The following PIEZO2 variants were observed in gnomAD, a reference collection of about 807,000 sequenced individuals.
The protein encoded by PIEZO2 is piezo-type mechanosensitive ion channel component 2.
Under a neutral mutation model 337.3 loss-of-function variants are expected in PIEZO2, and 172 were observed. The observed-to-expected ratio is 0.51, with a 90% confidence interval of 0.45 to 0.58. The LOEUF (loss-of-function observed/expected upper bound fraction) is 0.58. Ranked by LOEUF, PIEZO2 falls within the 20% of genes least tolerant of loss-of-function variation. The pLI, the probability that PIEZO2 is intolerant of heterozygous loss-of-function variation, is 0.00. For synonymous variants in PIEZO2, 1,251 were observed against 1,228.5 expected (o/e 1.02, Z -0.38); for missense variants, 3,028 against 3,391.3 (o/e 0.89, Z 2.66).
rs2035886278 is a variant in PIEZO2 at position 10,713,194 on chromosome 18, A to G, written c.5423+1570T>C. Reference sequence around the variant, plus strand: ...GGATTTTTACTAAATATATGTATATATTTTACTGTGTATATATATCACAAA... The same window carrying G: ...GGATTTTTACTAAATATATGTATATGTTTTACTGTGTATATATATCACAAA... On this transcript the variant is annotated intron_variant, in intron 39 of 55. Transcript: ENST00000674853. The surrounding 1 kb of genome is among the most constrained non-coding windows in gnomAD (Gnocchi z 4.5). Among the ~76,000 whole-genome samples the G allele has an allele frequency of 6.6e-6, 1 of 152,128 alleles. No individual in the cohort carries two copies. Among genetic ancestry groups the G allele is most frequent in the South Asian group, 2.1e-4 (1 of 4,834 alleles).
chr18:10,851,419 C>G (rs2041548570), intron 7 of PIEZO2, among the ~76,000 whole-genome samples: 1 of 152,054 alleles, frequency 6.6e-6, no homozygotes, highest in Non-Finnish European at 1.5e-5. Context: ...ATGTCTTACT[C>G]TATGAGATTA....
chr18:10,842,605 T>A (rs751734246), intron 7 of PIEZO2, among the ~76,000 whole-genome samples: 15 of 152,214 alleles, frequency 9.9e-5, no homozygotes, highest in Non-Finnish European at 1.6e-4. Flanking sequence ...GAGCAGATGC[T>A]GGCGCCACAC....
rs1568132053 is a variant in PIEZO2, at chr18:10,854,371, A to T, written c.917+982T>A. On this transcript the variant is annotated intron_variant, in intron 7 of 55. Coordinates refer to ENST00000674853, the MANE Select transcript of PIEZO2 (RefSeq NM_001378183.1). The surrounding 1 kb of genome is among the most constrained non-coding windows in gnomAD (Gnocchi z 4.6). The stretch of plus-strand genomic sequence containing the variant: ...TCTTTGCAATTAGCAAGCACCAACA[A>T]GGTTCTACTTTGTCATTGTGCAACC... Among the ~76,000 whole-genome samples, 1 of 152,200 alleles carries T rather than the reference A, an allele frequency of 6.6e-6. No individual in the cohort carries two copies. The highest frequency in any genetic ancestry group is 1.5e-5 in the Non-Finnish European group (1 of 68,038).
chr18:10,774,680 T>C (rs1033719783), intron 18 of PIEZO2, among the ~76,000 whole-genome samples: 1 of 144,778 alleles, frequency 6.9e-6, no homozygotes, highest in Non-Finnish European at 1.5e-5. Flanking sequence ...TCTCCTACAG[T>C]TTTTTTTAAA....
chr18:10,938,973 GC>G (rs1477880934), intron 3 of PIEZO2, among the ~76,000 whole-genome samples: 1 of 152,118 alleles, frequency 6.6e-6, no homozygotes, highest in Non-Finnish European at 1.5e-5. Context: ...TGTAGTCCCA[GC>G]TACTCGGGAG....
At chr18:10,990,172 A>T (rs558742915) in intron 2 of PIEZO2, among the ~76,000 whole-genome samples, 1 of 152,334 alleles carries the variant, frequency 6.6e-6, no homozygotes, top group East Asian at 1.9e-4. Context: ...ATATTATGTT[A>T]AAATGGTAAG....
chr18:11,007,475 T>G (rs962465778), intron 2 of PIEZO2, among the ~76,000 whole-genome samples: 1 of 152,198 alleles, frequency 6.6e-6, no homozygotes, highest in South Asian at 2.1e-4. Flanking sequence ...CATATGCCTT[T>G]CACTCAGTCC....
intron 24 of PIEZO2, 120 bp downstream of exon 24, chr18:10,760,791 C>A: frequency 1.2e-6 from 1 of 841,520 alleles, no homozygotes; most frequent in Non-Finnish European, 1.8e-6. Flanking sequence ...CTGTTCTTCT[C>A]AAGGGGACAG....
At chr18:11,006,943 A>T (rs897376149) in intron 2 of PIEZO2, among the ~76,000 whole-genome samples, 9 of 152,276 alleles carry the variant, frequency 5.9e-5, no homozygotes, top group African/African-American at 1.9e-4. Context: ...TGATATTTTG[A>T]AGCCAGCATA....
rs1003125916 is a variant in PIEZO2 at position 11,096,190 on chromosome 18, C to T, written c.65-29968G>A. Among the ~76,000 whole-genome samples the T allele has an allele frequency of 1.3e-5, 2 of 152,224 alleles. No individual in the cohort carries two copies. ...CCGCCAGCCTGGCTGTGGGGTGTGG[C>T]CACCTAGAGCCCTGGGGTGAAGAAG... On this transcript the variant is annotated intron_variant, in intron 1 of 55. Coordinates refer to ENST00000674853, the MANE Select transcript of PIEZO2 (RefSeq NM_001378183.1). The surrounding 1 kb of genome is among the most constrained non-coding windows in gnomAD (Gnocchi z 4.6).
chr18:11,018,081 G>C (rs1186407237), intron 2 of PIEZO2, among the ~76,000 whole-genome samples: 3 of 152,100 alleles, frequency 2.0e-5, no homozygotes, highest in Non-Finnish European at 1.5e-5. Flanking sequence ...CCCCGAGAAG[G>C]CTTTAGTGTA....
At chr18:11,029,316 T>C (rs529329162) in intron 2 of PIEZO2, among the ~76,000 whole-genome samples, 1 of 152,298 alleles carries the variant, frequency 6.6e-6, no homozygotes, top group East Asian at 1.9e-4. Flanking sequence ...AATAAAAGAC[T>C]TTTCCTTAAT....
At chr18:10,864,936 G>A (rs1035231635) in intron 5 of PIEZO2, among the ~76,000 whole-genome samples, 12 of 152,146 alleles carry the variant, frequency 7.9e-5, no homozygotes, top group African/African-American at 2.9e-4. Flanking sequence ...GTGCAAGAGT[G>A]AACTACATAG....
At chr18:10,722,466 G>A (rs143315020) in intron 36 of PIEZO2, among the ~76,000 whole-genome samples, 94 of 150,852 alleles carry the variant, frequency 6.2e-4, no homozygotes, top group African/African-American at 1.8e-3. Flanking sequence ...TCCTGATCTC[G>A]TAATCTGCCC....
intron 7 of PIEZO2, among the ~76,000 whole-genome samples, chr18:10,822,589 C>T (rs893789053): frequency 6.6e-6 from 1 of 152,182 alleles, no homozygotes; most frequent in African/African-American, 2.4e-5. Flanking sequence ...GGAACCAGGC[C>T]AGTGTCTGCT....
At chr18:10,965,134 T>G (rs932717607) in intron 3 of PIEZO2, among the ~76,000 whole-genome samples, 1 of 152,172 alleles carries the variant, frequency 6.6e-6, no homozygotes, top group Non-Finnish European at 1.5e-5. Context: ...TTGTGTGTGT[T>G]TTCAATTCTT....
chr18:10,874,089 C>T (rs951969638), intron 4 of PIEZO2, among the ~76,000 whole-genome samples: 10 of 151,862 alleles, frequency 6.6e-5, no homozygotes, highest in African/African-American at 1.5e-4. Flanking sequence ...AATTAATAAT[C>T]GGAATATATA....
Position 10,750,813 on chromosome 18 carries a change from T to C in PIEZO2, c.4168-626A>G, listed in dbSNP as rs1007649671. Among the ~76,000 whole-genome samples, 3 of 152,186 alleles carry C rather than the reference T, an allele frequency of 2.0e-5. No homozygotes were observed. Among genetic ancestry groups the C allele is most frequent in the African/African-American group, 7.2e-5 (3 of 41,442 alleles). Reference sequence around the variant, plus strand: ...CAAATACATAAATGTGACAGATACATTGTGTGCATTTCCTGGGAACATGTG... The same window carrying C: ...CAAATACATAAATGTGACAGATACACTGTGTGCATTTCCTGGGAACATGTG... On this transcript the variant is annotated intron_variant, in intron 28 of 55. Transcript: ENST00000674853. The surrounding 1 kb of genome is among the most constrained non-coding windows in gnomAD (Gnocchi z 4.1).
In PIEZO2 at chr18:10,759,745, C is replaced by T. The variant is rs2038043981; in HGVS notation, c.3615G>A (p.Gln1205=). The change falls in exon 25 of 56, where the codon CAG becomes CAA. Residue 1205 remains glutamine, a synonymous_variant. Coordinates refer to ENST00000674853, the MANE Select transcript of PIEZO2 (RefSeq NM_001378183.1). The surrounding 1 kb of genome is among the most constrained non-coding windows in gnomAD (Gnocchi z 5.5). ...GTGGGATGCCAATGCAGATGAAATA[C>T]TGGAAGGTGATGATGCATGCCAGGA... is the stretch of plus-strand genomic sequence containing the variant. ...CCFLACIITF[Q]YFICIGIPPA... 1 of 1,537,334 alleles carries T rather than the reference C, an allele frequency of 6.5e-7. No homozygotes were observed. Among genetic ancestry groups the T allele is most frequent in the East Asian group, 2.4e-5 (1 of 40,922 alleles).
Sources: gnomAD v4.1 joint callset for allele counts (sites outside exome capture counted in the v4.1 genomes callset) on GRCh38, gnomAD v4.1.1 for gene constraint, Gnocchi (gnomAD v3.1) non-coding constraint, MANE v1.5 for transcripts, NCBI Gene and HGNC (gene_info 2026-07-23, HGNC 2026-07-21) for gene names.